Variants in SVOP observed in about 807,000 individuals in gnomAD.
The protein encoded by SVOP is synaptic vesicle 2-related protein.
A neutral mutation model predicts 69.1 loss-of-function variants in SVOP; 17 were observed. The ratio of observed to expected loss-of-function variants is 0.25; its 90% CI spans 0.17 to 0.37. The LOEUF is 0.37. SVOP is among the 10% of genes least tolerant of loss of function. The pLI, the probability that SVOP is intolerant of heterozygous loss-of-function variation, is 1.00. For missense variants in SVOP, 435 were observed against 597.5 expected (o/e 0.73, Z 2.84); for synonymous variants, 238 against 238.6 (o/e 1.00, Z 0.02).
intron 5 of SVOP, among the ~76,000 whole-genome samples, chr12:108,965,144 T>C (rs372303164): frequency 6.6e-6 from 1 of 152,264 alleles, no homozygotes; most frequent in East Asian, 1.9e-4. Flanking sequence ...TCTGACTTCA[T>C]GGAACTTTCA....
At chr12:108,946,516 T>C (rs1294679188) in intron 6 of SVOP, among the ~76,000 whole-genome samples, 4 of 151,980 alleles carry the variant, frequency 2.6e-5, no homozygotes, top group Non-Finnish European at 5.9e-5. Context: ...ATTTAATCAG[T>C]ATAGACTTGT....
At position 108,912,235 on chromosome 12, in the gene SVOP, G is replaced by A; in HGVS notation, c.*300C>T. On this transcript the variant is annotated 3_prime_UTR_variant, in exon 16 of 16. Coordinates refer to ENST00000610966, the MANE Select transcript of SVOP (RefSeq NM_018711.5). ...GGCCGGGTGACTCTGGGTGGTGTCT[G>A]ATTGGTTGCTGGCATTACCAGACCC... 7.9e-6 allele frequency: 10 copies of A among 1,268,318 alleles called. No individual in the cohort carries two copies. The highest frequency in any genetic ancestry group is 1.0e-5 in the Non-Finnish European group (10 of 1,001,960). The allele number at this position is 1,268,318 out of a possible 1,614,324, so 78.6% of individuals were successfully genotyped here. A position where few individuals can be genotyped will look rare whatever the true frequency, so the allele number is the denominator to read the frequency against.
intron 1 of SVOP, among the ~76,000 whole-genome samples, chr12:109,015,136 A>T (rs2040360865): frequency 6.6e-6 from 1 of 152,146 alleles, no homozygotes; most frequent in Non-Finnish European, 1.5e-5. Flanking sequence ...TTGAGACTTT[A>T]TGAGAGTGAA....
At chr12:108,995,158 A>AAAAT (rs960076577) in intron 1 of SVOP, among the ~76,000 whole-genome samples, 1 of 152,102 alleles carries the variant, frequency 6.6e-6, no homozygotes, top group African/African-American at 2.4e-5. Context: ...AAAAAAATTA[A>AAAAT]AAATAAATAA....
chr12:108,940,652 C>A (rs181792511), intron 8 of SVOP, 132 bp downstream of exon 8: 76 of 1,360,000 alleles, frequency 5.6e-5, no homozygotes, highest in Non-Finnish European at 7.5e-5. Flanking sequence ...GCTCCCTTGT[C>A]TCATTTCCTG....
At position 109,021,019 on chromosome 12, in the gene SVOP, GA is replaced by G. The variant is rs1477085475; in HGVS notation, c.-152del. 1 of 571,688 alleles carries G rather than the reference GA, an allele frequency of 1.7e-6. No individual in the cohort carries two copies. The highest frequency in any genetic ancestry group is 3.1e-6 in the Non-Finnish European group (1 of 317,778). The allele number at this position is 571,688 out of a possible 1,614,324, so 35.4% of individuals were successfully genotyped here. A position where few individuals can be genotyped will look rare whatever the true frequency, so the allele number is the denominator to read the frequency against. On this transcript the variant is annotated 5_prime_UTR_variant, in exon 1 of 16. Coordinates refer to ENST00000610966, the MANE Select transcript of SVOP (RefSeq NM_018711.5). ...GCTGTTCGGGGAGGGAGCCGCTGGG[GA>G]CCAGCCCACGAGACAAAGCCTCCGC...
chr12:109,017,764 G>A (rs763413843), intron 1 of SVOP, among the ~76,000 whole-genome samples: 2 of 151,942 alleles, frequency 1.3e-5, no homozygotes, highest in Non-Finnish European at 2.9e-5. Flanking sequence ...GGCTTGTCTC[G>A]AACTGCTGAC....
chr12:109,002,012 G>GT (rs2040274301), intron 1 of SVOP, among the ~76,000 whole-genome samples: 1 of 131,104 alleles, frequency 7.6e-6, no homozygotes, highest in Non-Finnish European at 1.6e-5. Context: ...TACCATCAGA[G>GT]TGAACAGGCA....
chr12:108,957,961 A>C lies in SVOP; in HGVS notation c.578+2962T>G, dbSNP rs543746742. On this transcript the variant is annotated intron_variant, in intron 6 of 15. Coordinates refer to ENST00000610966, the MANE Select transcript of SVOP (RefSeq NM_018711.5). ...AAGAGATTATCCAGAATCCTGGAGG[A>C]ACTGTTCTTAGGCGGGGTGAGCTGA... 2.6e-5 allele frequency among the ~76,000 whole-genome samples: 4 copies of C among 152,364 alleles called. No homozygotes were observed. The South Asian group carries it at 8.3e-4, about 32-fold the overall frequency.
chr12:108,992,073 C>T (rs1334946391), intron 1 of SVOP, among the ~76,000 whole-genome samples: 1 of 152,046 alleles, frequency 6.6e-6, no homozygotes, highest in South Asian at 2.1e-4. Context: ...ATACCCTCCC[C>T]CAACAATATT....
intron 1 of SVOP, among the ~76,000 whole-genome samples, chr12:108,995,914 AT>A (rs1279730402): frequency 3.4e-3 from 514 of 151,918 alleles, no homozygotes; most frequent in African/African-American, 0.012. Flanking sequence ...AAAAAAAAAA[AT>A]GTCAATGGTA....
intron 1 of SVOP, among the ~76,000 whole-genome samples, chr12:108,993,164 C>T (rs771939799): frequency 9.2e-5 from 14 of 152,160 alleles, no homozygotes; most frequent in Admixed American, 5.9e-4. Context: ...CGCACCACCA[C>T]GCCCGGCTAA....
At chr12:108,934,147 C>T in intron 11 of SVOP, 48 bp downstream of exon 11, 1 of 1,513,494 alleles carries the variant, frequency 6.6e-7, no homozygotes, top group Non-Finnish European at 9.0e-7. Flanking sequence ...TGTGTATGTG[C>T]CGAGGGTGTG....
chr12:108,941,285 C>T (rs575367605), intron 7 of SVOP, among the ~76,000 whole-genome samples: 11 of 152,196 alleles, frequency 7.2e-5, no homozygotes, highest in Admixed American at 6.5e-5. Flanking sequence ...TACAGTGTCC[C>T]GATCATGGCT....
chr12:108,985,813 A>G (rs2040163055), intron 1 of SVOP, among the ~76,000 whole-genome samples: 1 of 152,242 alleles, frequency 6.6e-6, no homozygotes, highest in South Asian at 2.1e-4. Context: ...AAATACTGCT[A>G]TTATTATTAA....
rs145820483 is a variant in SVOP at position 108,947,771 on chromosome 12, A to G, written c.579-2605T>C. Among the ~76,000 whole-genome samples the G allele has an allele frequency of 1.1e-4, 17 of 151,984 alleles. No individual in the cohort carries two copies. The East Asian group carries it at 3.3e-3, about 29-fold the overall frequency. On this transcript the variant is annotated intron_variant, in intron 6 of 15. Coordinates refer to ENST00000610966, the MANE Select transcript of SVOP (RefSeq NM_018711.5). ...GAAAGAGGAGGCCTTCTTTTCTCTC[A>G]TATCTCCCACCTAAGGCAGGCATCT...
At chr12:108,958,178 T>C (rs2039996215) in intron 6 of SVOP, among the ~76,000 whole-genome samples, 4 of 152,148 alleles carry the variant, frequency 2.6e-5, no homozygotes, top group Admixed American at 2.0e-4. Flanking sequence ...ATTTTCATTA[T>C]TCTTTAATAG....
intron 6 of SVOP, among the ~76,000 whole-genome samples, chr12:108,948,659 C>G (rs1212027095): frequency 6.6e-6 from 1 of 152,198 alleles, no homozygotes; most frequent in Non-Finnish European, 1.5e-5. Flanking sequence ...TTCCTTAGGA[C>G]AGATCCCCCT....
chr12:108,963,391 G>C (rs2040027482), intron 5 of SVOP, among the ~76,000 whole-genome samples: 1 of 152,204 alleles, frequency 6.6e-6, no homozygotes, highest in South Asian at 2.1e-4. Context: ...CACCTCACAA[G>C]AAAGTTATTT....
Sources: gnomAD v4.1 joint callset for allele counts (sites outside exome capture counted in the v4.1 genomes callset) on GRCh38, gnomAD v4.1.1 for gene constraint, MANE v1.5 for transcripts, NCBI Gene and HGNC (gene_info 2026-07-23, HGNC 2026-07-21) for gene names.